The following GABRB3 variants were observed in gnomAD, a reference collection of about 807,000 sequenced individuals.
GABRB3 encodes the protein gamma-aminobutyric acid type A receptor subunit beta3, also known as gamma-aminobutyric acid receptor subunit beta-3.
A neutral mutation model predicts 52.1 loss-of-function variants in GABRB3; 14 were observed. The ratio of observed to expected loss-of-function variants is 0.27; its 90% CI spans 0.18 to 0.42. The LOEUF (loss-of-function observed/expected upper bound fraction) is 0.42, where lower values mean the gene tolerates loss of function less well. Ranked by LOEUF, GABRB3 falls within the 10% of genes least tolerant of loss-of-function variation. The pLI, the probability that GABRB3 is intolerant of heterozygous loss-of-function variation, is 1.00. For missense variants in GABRB3, 307 were observed against 609.1 expected, an observed-to-expected ratio of 0.50 and a Z score of 5.22; for synonymous variants, 260 against 232.3, an observed-to-expected ratio of 1.12 and a Z score of -1.08.
chr15:26,663,443 G>A (rs1369888137), intron 3 of GABRB3, among the ~76,000 whole-genome samples: 2 of 152,112 alleles, frequency 1.3e-5, no homozygotes, highest in South Asian at 2.1e-4. Flanking sequence ...ATGTCTAATC[G>A]CTACACTGAT....
At chr15:26,603,576 A>G (rs972719651) in intron 4 of GABRB3, among the ~76,000 whole-genome samples, 10 of 152,088 alleles carry the variant, frequency 6.6e-5, no homozygotes, top group Non-Finnish European at 1.0e-4. Context: ...TCATTTATCA[A>G]GACCAAATGG....
intron 3 of GABRB3, chr15:26,642,478 C>T (rs1308133330): frequency 7.0e-6 from 9 of 1,288,882 alleles, no homozygotes; most frequent in Non-Finnish European, 8.1e-6. Flanking sequence ...AATCTATAAG[C>T]CACGTTAGTT....
chr15:26,670,677 G>C (rs1266534800), intron 3 of GABRB3, among the ~76,000 whole-genome samples: 1 of 152,162 alleles, frequency 6.6e-6, no homozygotes, highest in Non-Finnish European at 1.5e-5. Flanking sequence ...TGATACTACT[G>C]ACACTGAGAA....
chr15:26,581,262 G>A (rs1001076715), intron 5 of GABRB3: 16 of 152,766 alleles, frequency 1.0e-4, no homozygotes, highest in African/African-American at 2.7e-4. Flanking sequence ...CAGAGATTGC[G>A]AGAACAATAT....
intron 3 of GABRB3, among the ~76,000 whole-genome samples, chr15:26,696,149 C>G (rs1315068113): frequency 4.6e-5 from 7 of 152,142 alleles, no homozygotes; most frequent in Non-Finnish European, 7.3e-5. Context: ...AGGTTATAAA[C>G]ATCCTTCCTC....
chr15:26,572,933 A>G (rs1343826724), intron 6 of GABRB3, among the ~76,000 whole-genome samples: 3 of 152,188 alleles, frequency 2.0e-5, no homozygotes, highest in African/African-American at 7.2e-5. Context: ...TGCAGTCACC[A>G]TTATGCCAAA....
intron 4 of GABRB3, among the ~76,000 whole-genome samples, chr15:26,609,895 G>T (rs10468165): frequency 0.49 from 74,661 of 151,972 alleles, 19,435 homozygotes; most frequent in Non-Finnish European, 0.59. Flanking sequence ...AACTGTTGTT[G>T]ACAGTTTCTT....
At chr15:26,766,899 T>C (rs894674108) in intron 3 of GABRB3, among the ~76,000 whole-genome samples, 2 of 152,118 alleles carry the variant, frequency 1.3e-5, no homozygotes, top group Non-Finnish European at 1.5e-5. Context: ...TTTTAAGAGA[T>C]GTAACATAAG....
In GABRB3 at chr15:26,772,912, C is replaced by T; in HGVS notation, c.51G>A (p.Val17=). The change falls in exon 1 of 9, where the codon GTG becomes GTA. Residue 17 remains valine, a synonymous_variant. Transcript: ENST00000311550. The part of the protein sequence containing the change: ...GRLFGIFSAP[V]LVAVVCCAQS... ...GGGCGCAGCACACCACAGCCACCAG[C>T]ACCGGGGCCGAGAAGATGCCGAAAA... 6.0e-6 allele frequency: 9 copies of T among 1,499,054 alleles called. No homozygotes were observed. Among genetic ancestry groups the T allele is most frequent in the Non-Finnish European group, 8.0e-6 (9 of 1,123,140 alleles). The allele number at this position is 1,499,054 out of a possible 1,614,324, so 92.9% of individuals were successfully genotyped here.
intron 4 of GABRB3, chr15:26,615,719 T>A: frequency 9.2e-7 from 1 of 1,088,276 alleles, no homozygotes; most frequent in African/African-American, 1.6e-5. Flanking sequence ...GCTGTTCCCA[T>A]AATGGCTGGG....
rs1892489458 is a variant in GABRB3, at chr15:26,621,655, T to C, written c.241-121A>G. ...ACAGTGAATAACCAGGAGAAACGGA[T>C]GCCATTTTTATGCAGAATGGGAAGC... is the stretch of plus-strand genomic sequence containing the variant. On this transcript the variant is annotated intron_variant, in intron 3 of 8. Transcript: ENST00000311550. The surrounding 1 kb of genome is among the most constrained non-coding windows in gnomAD (Gnocchi z 4.1). 6.2e-5 allele frequency: 46 copies of C among 740,560 alleles called. No homozygotes were observed. The South Asian group carries it at 7.7e-4, about 12-fold the overall frequency. 45.9% of individuals were successfully genotyped at this position (740,560 alleles called of 1,614,324 possible).
At chr15:26,583,455 G>A (rs373976423) in intron 4 of GABRB3, 41 bp from the exon 5 acceptor site, 3 of 1,525,214 alleles carry the variant, frequency 2.0e-6, no homozygotes, top group Non-Finnish European at 2.7e-6. Context: ...AAGAAGGGCT[G>A]AGAAATGTAT....
At chr15:26,655,870 T>C (rs1287180314) in intron 3 of GABRB3, among the ~76,000 whole-genome samples, 1 of 152,020 alleles carries the variant, frequency 6.6e-6, no homozygotes, top group Non-Finnish European at 1.5e-5. Flanking sequence ...AAGAGAAAGC[T>C]CATTATTGTT....
intron 3 of GABRB3, among the ~76,000 whole-genome samples, chr15:26,752,417 C>A (rs552880371): frequency 6.6e-6 from 1 of 151,996 alleles, no homozygotes; most frequent in Non-Finnish European, 1.5e-5. Flanking sequence ...GTGCTCACCA[C>A]CACACCCAGC....
At chr15:26,736,298 A>G (rs1890064551) in intron 3 of GABRB3, among the ~76,000 whole-genome samples, 1 of 152,246 alleles carries the variant, frequency 6.6e-6, no homozygotes, top group South Asian at 2.1e-4. Context: ...ATAAGGCACT[A>G]TCATTGGCAG....
At chr15:26,708,859 G>T (rs895499045) in intron 3 of GABRB3, among the ~76,000 whole-genome samples, 1 of 152,120 alleles carries the variant, frequency 6.6e-6, no homozygotes, top group Non-Finnish European at 1.5e-5. Flanking sequence ...GTAAAATGAG[G>T]ATCAGTACAG....
At position 26,645,098 on chromosome 15, in the gene GABRB3, C is replaced by G. The variant is rs1024474519; in HGVS notation, c.241-23564G>C. Among the ~76,000 whole-genome samples, 4 of 152,192 alleles carry G rather than the reference C, an allele frequency of 2.6e-5. No individual in the cohort carries two copies. In the South Asian group the frequency reaches 8.3e-4, roughly 32 times the overall value. ...TGTCTACAAAAATGTGTAACGTGAG[C>G]CAGGCCTGGTGGTGTGCGCCTGTAG... is the stretch of plus-strand genomic sequence containing the variant. On this transcript the variant is annotated intron_variant, in intron 3 of 8. Coordinates refer to ENST00000311550, the MANE Select transcript of GABRB3 (RefSeq NM_000814.6).
chr15:26,649,364 A>T (rs184088022), intron 3 of GABRB3, among the ~76,000 whole-genome samples: 3 of 152,262 alleles, frequency 2.0e-5, no homozygotes, highest in African/African-American at 4.8e-5. Context: ...TGACCCAGAA[A>T]CAAGGCAGCA....
chr15:26,685,736 GA>G (rs972500810), intron 3 of GABRB3, among the ~76,000 whole-genome samples: 21 of 151,470 alleles, frequency 1.4e-4, no homozygotes, highest in African/African-American at 5.1e-4. Context: ...TGATGGCTAG[GA>G]AAGACCCGCA....
Sources: gnomAD v4.1 joint callset for allele counts (sites outside exome capture counted in the v4.1 genomes callset) on GRCh38, gnomAD v4.1.1 for gene constraint, Gnocchi (gnomAD v3.1) non-coding constraint, MANE v1.5 for transcripts, NCBI Gene and HGNC (gene_info 2026-07-23, HGNC 2026-07-21) for gene names.